The following GOLGA4 variants were observed in gnomAD, a reference collection of about 807,000 sequenced individuals.
The protein encoded by GOLGA4 is golgin A4.
GOLGA4 carries 169 observed loss-of-function variants against 265.9 expected under a neutral mutation model. The ratio of observed to expected loss-of-function variants is 0.64; its 90% confidence interval spans 0.56 to 0.72. GOLGA4 has a LOEUF of 0.72. Ranked by LOEUF, GOLGA4 falls within the 30% of genes least tolerant of loss-of-function variation. The pLI is 0.00. For synonymous variants in GOLGA4, 923 were observed against 855.8 expected (o/e 1.08, Z -1.37); for missense variants, 2,482 against 2,483.4 (o/e 1.00, Z 0.01).
chr3:37,306,742 CTT>C (rs766765669), intron 10 of GOLGA4, among the ~76,000 whole-genome samples: 177 of 152,002 alleles, frequency 1.2e-3, no homozygotes, highest in South Asian at 3.1e-3. Context: ...GTTATTGACA[CTT>C]TTACGTGTTG....
chr3:37,324,935 G>T lies in GOLGA4; in HGVS notation c.3049G>T (p.Ala1017Ser). 1 of 1,612,836 alleles carries T rather than the reference G, an allele frequency of 6.2e-7. No homozygotes were observed. The highest frequency in any genetic ancestry group is 1.7e-5 in the Admixed American group (1 of 59,724). Residue 1017 changes from alanine to serine, a missense_variant, in exon 14 of 24, where the codon GCA (alanine) becomes TCA (serine). Around this residue, in one of 3 missense-constraint regions of GOLGA4, gnomAD observed 1,536 missense variants for 1,483.7 expected, o/e 1.04. Coordinates refer to ENST00000361924, the MANE Select transcript of GOLGA4 (RefSeq NM_002078.5). ...AQANSAGISDAVSRLETNQKE... is the reference protein window; with the variant it reads ...AQANSAGISDSVSRLETNQKE... The stretch of plus-strand genomic sequence containing the variant: ...GGCTAACTCAGCTGGAATCAGTGAT[G>T]CAGTGTCAAGACTGGAAACAAACCA...
At chr3:37,297,456 T>C (rs2096881568) in intron 7 of GOLGA4, among the ~76,000 whole-genome samples, 1 of 152,242 alleles carries the variant, frequency 6.6e-6, no homozygotes, top group Admixed American at 6.5e-5. Context: ...TACCGTACTT[T>C]ATTAATCCTT....
At chr3:37,345,332 T>C (rs1337368414) in intron 20 of GOLGA4, among the ~76,000 whole-genome samples, 1 of 152,254 alleles carries the variant, frequency 6.6e-6, no homozygotes, top group African/African-American at 2.4e-5. Flanking sequence ...AAAGGCATTA[T>C]GCATTATTTG....
intron 1 of GOLGA4, 165 bp downstream of exon 1, chr3:37,243,787 T>C: frequency 1.7e-6 from 1 of 605,828 alleles, no homozygotes; most frequent in Non-Finnish European, 2.9e-6. Flanking sequence ...GTGCAGGTCG[T>C]CCGTAACTCC....
At chr3:37,276,216 C>G (rs1365635883) in intron 2 of GOLGA4, 3 of 1,564,002 alleles carry the variant, frequency 1.9e-6, no homozygotes, top group Non-Finnish European at 2.6e-6. Context: ...ATTGAAGAAG[C>G]TATATATCAA....
chr3:37,265,147 GTA>G (rs1491085198), intron 2 of GOLGA4, among the ~76,000 whole-genome samples: 33 of 151,078 alleles, frequency 2.2e-4, no homozygotes, highest in African/African-American at 8.1e-4. Flanking sequence ...GTGTGTGTGT[GTA>G]TAATTCTATA....
chr3:37,258,510 T>C lies in GOLGA4; in HGVS notation c.162+7026T>C, dbSNP rs113786570. Among the ~76,000 whole-genome samples, 444 of 152,010 alleles carry C rather than the reference T, an allele frequency of 2.9e-3. 5 individuals are homozygous for C. The highest frequency in any genetic ancestry group is 9.8e-3 in the African/African-American group (407 of 41,408). ...ACCCAGCTAATACTTGTGTTTTTAGTAGAGATGAGGTTTCACCATGTTGGC... is the reference window on the plus strand; with the variant it reads ...ACCCAGCTAATACTTGTGTTTTTAGCAGAGATGAGGTTTCACCATGTTGGC... On this transcript the variant is annotated intron_variant, in intron 2 of 23. Coordinates refer to ENST00000361924, the MANE Select transcript of GOLGA4 (RefSeq NM_002078.5).
chr3:37,257,669 G>A (rs1286403242), intron 2 of GOLGA4, among the ~76,000 whole-genome samples: 2 of 151,392 alleles, frequency 1.3e-5, no homozygotes, highest in African/African-American at 2.4e-5. Flanking sequence ...TCCTAGGGAT[G>A]TTATCTCTGT....
chr3:37,347,685 A>G (rs2097060473), intron 21 of GOLGA4, among the ~76,000 whole-genome samples: 1 of 152,146 alleles, frequency 6.6e-6, no homozygotes, highest in South Asian at 2.1e-4. Context: ...ATTATTAGCT[A>G]CCTAGAGAGA....
chr3:37,302,491 G>A (rs980752799), intron 10 of GOLGA4, among the ~76,000 whole-genome samples, 159 bp downstream of exon 10: 9 of 152,242 alleles, frequency 5.9e-5, no homozygotes, highest in African/African-American at 2.2e-4. Flanking sequence ...GCAGAGGTTG[G>A]CAAACTGTGG....
chr3:37,333,144 G>C (rs2150991665), intron 16 of GOLGA4, among the ~76,000 whole-genome samples: 1 of 152,312 alleles, frequency 6.6e-6, no homozygotes, highest in South Asian at 2.1e-4. Context: ...GCAAGTTGGA[G>C]ACTCACAAGT....
intron 3 of GOLGA4, among the ~76,000 whole-genome samples, chr3:37,284,541 C>T (rs2096843171): frequency 6.6e-6 from 1 of 152,108 alleles, no homozygotes; most frequent in Admixed American, 6.5e-5. Context: ...CGTGAGCCAC[C>T]ACACCCGGCT....
Position 37,315,513 on chromosome 3 carries a change from C to CT in GOLGA4, c.1329dup (p.Ile444TyrfsTer6). The CT allele has an allele frequency of 6.2e-7, 1 of 1,613,778 alleles. No homozygotes were observed. Among genetic ancestry groups the CT allele is most frequent in the Non-Finnish European group, 8.5e-7 (1 of 1,179,786 alleles). The stretch of plus-strand genomic sequence containing the variant: ...GCAGAAATGGATGAACAAATAAAAA[C>CT]TATCGAAAAAACAAGTGAGGAGGAA... On this transcript the variant is annotated frameshift_variant, in exon 11 of 24. Coordinates refer to ENST00000361924, the MANE Select transcript of GOLGA4 (RefSeq NM_002078.5). LOFTEE classifies it high-confidence loss of function.
intron 20 of GOLGA4, among the ~76,000 whole-genome samples, chr3:37,342,447 C>T (rs2097039252): frequency 6.6e-6 from 1 of 152,094 alleles, no homozygotes. Flanking sequence ...ATATCTTTAT[C>T]CCTCTCATCA....
At chr3:37,303,459 T>C (rs1248556485) in intron 10 of GOLGA4, among the ~76,000 whole-genome samples, 1 of 152,166 alleles carries the variant, frequency 6.6e-6, no homozygotes, top group Non-Finnish European at 1.5e-5. Context: ...CTCCAAAGTT[T>C]TAAGCTTAGG....
chr3:37,265,979 T>C (rs1560292145), intron 2 of GOLGA4, among the ~76,000 whole-genome samples: 1 of 149,618 alleles, frequency 6.7e-6, no homozygotes, highest in Non-Finnish European at 1.5e-5. Context: ...TGATCCGAGA[T>C]TGCATTACTG....
intron 1 of GOLGA4, among the ~76,000 whole-genome samples, chr3:37,246,504 A>G (rs1028369449): frequency 3.3e-5 from 5 of 152,234 alleles, no homozygotes; most frequent in Non-Finnish European, 7.3e-5. Flanking sequence ...TAAAAATTAT[A>G]GAAGTATAGA....
At chr3:37,243,836 A>C in intron 1 of GOLGA4, 1 of 578,124 alleles carries the variant, frequency 1.7e-6, no homozygotes, top group Middle Eastern at 4.6e-4. Context: ...CATCCAGTCA[A>C]TGAGTGGATG....
Position 37,243,640 on chromosome 3 carries a change from C to G in GOLGA4, c.72+18C>G, listed in dbSNP as rs2150560398. On this transcript the variant is annotated intron_variant, in intron 1 of 23. Transcript: ENST00000361924. ...CTGCTCAGGTACGATGGCCGCCGCT[C>G]TCCTCCCCTGGTTCCGAATACCTCT... The G allele has an allele frequency of 5.6e-6, 9 of 1,603,500 alleles. No homozygotes were observed. Among genetic ancestry groups the G allele is most frequent in the East Asian group, 2.2e-5 (1 of 44,812 alleles).
Sources: gnomAD v4.1 joint callset for allele counts (sites outside exome capture counted in the v4.1 genomes callset) on GRCh38, gnomAD v4.1.1 for gene constraint, gnomAD v4.1.1 regional missense constraint, MANE v1.5 for transcripts, NCBI Gene and HGNC (gene_info 2026-07-23, HGNC 2026-07-21) for gene names.